Variants in RBX1 observed in about 807,000 individuals in gnomAD.
RBX1 encodes E3 ubiquitin-protein ligase RBX1.
For synonymous variants in RBX1, 48 were observed against 47.9 expected, an observed-to-expected ratio of 1.00 and a Z score of -0.01; for missense variants, 46 against 141.4, an observed-to-expected ratio of 0.33 and a Z score of 3.42.
rs375354740 is a variant in RBX1, at chr22:40,953,405, TATA to T, written c.79-145_79-143del. ...ACGTGTAGTCTACTGTTGTCTTTGG[TATA>T]ATAAGATTAACGTAATATCCAAAAA... On this transcript the variant is annotated intron_variant, in intron 1 of 4. Transcript: ENST00000216225. The T allele has an allele frequency of 7.3e-4, 407 of 559,262 alleles. 4 individuals carry two copies. The highest frequency in any genetic ancestry group is 7.1e-3 in the African/African-American group (375 of 52,986). The allele number at this position is 559,262 out of a possible 1,614,324, so 34.6% of individuals were successfully genotyped here.
intron 4 of RBX1, among the ~76,000 whole-genome samples, chr22:40,971,601 G>A (rs1408174494): frequency 6.6e-6 from 1 of 152,026 alleles, no homozygotes; most frequent in Non-Finnish European, 1.5e-5. Context: ...TGTCACCTAG[G>A]CTGGAGTGCA....
chr22:40,960,544 A>G (rs2058337096), intron 2 of RBX1, among the ~76,000 whole-genome samples: 1 of 152,182 alleles, frequency 6.6e-6, no homozygotes, highest in African/African-American at 2.4e-5. Context: ...GACCCAGATC[A>G]AATTTAAACA....
At chr22:40,952,467 C>T (rs2058313780) in intron 1 of RBX1, among the ~76,000 whole-genome samples, 1 of 152,078 alleles carries the variant, frequency 6.6e-6, no homozygotes, top group Non-Finnish European at 1.5e-5. Context: ...CAGCCAGCAG[C>T]CATATTGAAA....
At position 40,972,492 on chromosome 22, in the gene RBX1, A is replaced by G. The variant is rs775287146; in HGVS notation, c.*4A>G. The G allele has an allele frequency of 1.2e-6, 2 of 1,601,912 alleles. No homozygotes were observed. The highest frequency in any genetic ancestry group is 1.1e-5 in the South Asian group (1 of 90,834). ...GTCTTTCAGGTATGGGCACTAGGAA[A>G]AGACTTCTTCCATCAAGCTTAATTG... On this transcript the variant is annotated 3_prime_UTR_variant, in exon 5 of 5. Transcript: ENST00000216225.
intron 2 of RBX1, among the ~76,000 whole-genome samples, chr22:40,955,099 C>T (rs1282677867): frequency 6.6e-6 from 1 of 152,082 alleles, no homozygotes; most frequent in Non-Finnish European, 1.5e-5. Context: ...CTTTTCCATT[C>T]TTAAGTGTCC....
At chr22:40,967,477 GTA>G (rs1834915281) in intron 3 of RBX1, 1 of 181,574 alleles carries the variant, frequency 5.5e-6, no homozygotes, top group African/African-American at 2.4e-5. Context: ...GAAAGTGGAA[GTA>G]TCCCCTTACA....
intron 2 of RBX1, among the ~76,000 whole-genome samples, chr22:40,954,983 TA>T (rs1463024963): frequency 6.6e-6 from 1 of 152,038 alleles, no homozygotes; most frequent in Non-Finnish European, 1.5e-5. Flanking sequence ...GACACAGTTT[TA>T]CCGTGTTGGC....
intron 1 of RBX1, among the ~76,000 whole-genome samples, chr22:40,952,025 T>A (rs1034946590): frequency 1.3e-5 from 2 of 152,002 alleles, no homozygotes; most frequent in Non-Finnish European, 2.9e-5. Flanking sequence ...TCACACTGCC[T>A]GGTTAGAGTC....
chr22:40,953,686 G>C, intron 2 of RBX1, 53 bp downstream of exon 2: 2 of 1,290,902 alleles, frequency 1.5e-6, no homozygotes, highest in South Asian at 2.4e-5. Flanking sequence ...AGAGATTGTG[G>C]CTATCTTGAT....
intron 2 of RBX1, among the ~76,000 whole-genome samples, chr22:40,955,179 C>T (rs952576457): frequency 1.3e-5 from 2 of 152,064 alleles, no homozygotes; most frequent in Non-Finnish European, 2.9e-5. Flanking sequence ...TCTTCTCTTC[C>T]TTGGTTTTGT....
chr22:40,969,213 T>G (rs1176145365), intron 4 of RBX1, among the ~76,000 whole-genome samples: 1 of 152,050 alleles, frequency 6.6e-6, no homozygotes, highest in African/African-American at 2.4e-5. Context: ...CTTGGGAGGC[T>G]GAGGCAGGAG....
At position 40,972,579 on chromosome 22, in the gene RBX1, G is replaced by A; in HGVS notation, c.*91G>A. 9.4e-7 allele frequency: 1 copy of A among 1,058,216 alleles called. No individual in the cohort carries two copies. 65.6% of individuals were successfully genotyped at this position (1,058,216 alleles called of 1,614,324 possible). On this transcript the variant is annotated 3_prime_UTR_variant, in exon 5 of 5. Transcript: ENST00000216225. ...CTAATTACAAATTGGATGGAACTGT[G>A]TTTTTTTCTGCTTTGTTTTTTCAGT...
chr22:40,957,069 G>A (rs896148077), intron 2 of RBX1, among the ~76,000 whole-genome samples: 5 of 149,464 alleles, frequency 3.3e-5, no homozygotes, highest in African/African-American at 1.2e-4. Context: ...ACTCTTAGGC[G>A]GGGCGCGGTG....
chr22:40,964,983 A>AC (rs1471491316), intron 3 of RBX1, among the ~76,000 whole-genome samples: 1 of 152,202 alleles, frequency 6.6e-6, no homozygotes, highest in African/African-American at 2.4e-5. Context: ...AACTCCCGGC[A>AC]CATAGTAAGC....
At chr22:40,963,658 A>C (rs2058346778) in intron 2 of RBX1, among the ~76,000 whole-genome samples, 1 of 152,066 alleles carries the variant, frequency 6.6e-6, no homozygotes, top group African/African-American at 2.4e-5. Context: ...AACTCAGTCT[A>C]GGCAACATGG....
At chr22:40,956,513 C>T (rs1049562854) in intron 2 of RBX1, among the ~76,000 whole-genome samples, 1 of 151,418 alleles carries the variant, frequency 6.6e-6, no homozygotes, top group Admixed American at 6.6e-5. Flanking sequence ...CCTCACCCGG[C>T]TCATTTTTTG....
chr22:40,958,440 A>G (rs934912574), intron 2 of RBX1, among the ~76,000 whole-genome samples: 1 of 152,242 alleles, frequency 6.6e-6, no homozygotes, highest in Non-Finnish European at 1.5e-5. Context: ...TTGTATTTTA[A>G]TAAATCTTGT....
intron 1 of RBX1, among the ~76,000 whole-genome samples, chr22:40,952,541 T>G (rs2058314026): frequency 6.6e-6 from 1 of 152,180 alleles, no homozygotes; most frequent in South Asian, 2.1e-4. Context: ...GTAAAGAAGT[T>G]ACTAGGCACT....
At chr22:40,955,513 G>GT (rs1177200560) in intron 2 of RBX1, among the ~76,000 whole-genome samples, 2 of 149,272 alleles carry the variant, frequency 1.3e-5, no homozygotes, top group Non-Finnish European at 2.9e-5. Context: ...TGTAATTGAT[G>GT]TAAAAAAAAA....
Sources: gnomAD v4.1 joint callset for allele counts (sites outside exome capture counted in the v4.1 genomes callset) on GRCh38, gnomAD v4.1.1 for gene constraint, MANE v1.5 for transcripts, NCBI Gene and HGNC (gene_info 2026-07-23, HGNC 2026-07-21) for gene names.